NUP188: variants seen among roughly 807,000 people sequenced by gnomAD.
NUP188 encodes nucleoporin NUP188.
Under a neutral mutation model 223.0 loss-of-function variants are expected in NUP188, and 97 were observed. The ratio of observed to expected loss-of-function variants is 0.43; its 90% CI spans 0.37 to 0.51. The LOEUF is 0.51. Among genes scored for constraint, NUP188 ranks in the 20% least tolerant of loss-of-function variants. NUP188 has a pLI of 0.00. For missense variants in NUP188, 1,947 were observed against 2,175.6 expected, an observed-to-expected ratio of 0.89 and a Z score of 2.09; for synonymous variants, 869 against 828.0, an observed-to-expected ratio of 1.05 and a Z score of -0.85.
At chr9:128,987,088 A>AGAGTGTGTGTGT (rs1450678206) in intron 22 of NUP188, among the ~76,000 whole-genome samples, 663 of 113,288 alleles carry the variant, frequency 5.9e-3, no homozygotes, top group Non-Finnish European at 8.8e-3. Flanking sequence ...AGAGAGAGAG[A>AGAGTGTGTGTGT]GTGTGTGTGT....
At chr9:128,957,934 G>A in intron 5 of NUP188, 76 bp from the exon 6 acceptor site, 1 of 1,042,276 alleles carries the variant, frequency 9.6e-7, no homozygotes, top group Middle Eastern at 2.2e-4. Context: ...AGGATGAAGT[G>A]AAGGTATCTA....
Position 128,983,466 on chromosome 9 carries a change from C to A in NUP188, c.1885-8C>A, listed in dbSNP as rs756106038. The A allele has an allele frequency of 6.2e-7, 1 of 1,613,920 alleles. No individual in the cohort carries two copies. The highest frequency in any genetic ancestry group is 1.1e-5 in the South Asian group (1 of 91,080). On this transcript the variant is annotated splice_region_variant and splice_polypyrimidine_tract_variant and intron_variant, in intron 18 of 43. Coordinates refer to ENST00000372577, the MANE Select transcript of NUP188 (RefSeq NM_015354.3). ...TGTGGGCATTTAACTCTTCCTTTTC[C>A]TTCTCAGGTCTGGACTGATCTTCGT...
intron 10 of NUP188, 25 bp downstream of exon 10, chr9:128,969,539 T>C: frequency 7.5e-7 from 1 of 1,334,094 alleles, no homozygotes; most frequent in South Asian, 1.4e-5. Flanking sequence ...CCTCTTTTTT[T>C]TCAGAGGGTT....
chr9:128,987,013 G>T, intron 22 of NUP188, 138 bp downstream of exon 22: 1 of 609,496 alleles, frequency 1.6e-6, no homozygotes, highest in Non-Finnish European at 2.9e-6. Context: ...GTTGTTAGTT[G>T]CTTTCCATTG....
intron 25 of NUP188, 37 bp from the exon 26 acceptor site, chr9:128,993,160 G>A: frequency 1.3e-6 from 2 of 1,568,878 alleles, no homozygotes; most frequent in Non-Finnish European, 1.8e-6. Flanking sequence ...TTTTGTGGAA[G>A]CAGAGCTCTA....
rs567512988 is a variant in NUP188 at position 128,988,141 on chromosome 9, CCTT to C, written c.2491_2493del (p.Ser831del). 1 of 1,614,190 alleles carries C rather than the reference CCTT, an allele frequency of 6.2e-7. No individual in the cohort carries two copies. Among genetic ancestry groups the C allele is most frequent in the Non-Finnish European group, 8.5e-7 (1 of 1,180,028 alleles). On this transcript the variant is annotated inframe_deletion, in exon 24 of 44. Coordinates refer to ENST00000372577, the MANE Select transcript of NUP188 (RefSeq NM_015354.3). ...CAACAATGTTATTCGGCTGAAACCT[CCTT>C]CTAATGTGGTGTCCCCCCTGGAACA...
intron 20 of NUP188, 123 bp from the exon 21 acceptor site, chr9:128,986,435 T>C (rs1158051628): frequency 2.2e-5 from 23 of 1,022,770 alleles, no homozygotes; most frequent in Non-Finnish European, 2.7e-5. Context: ...TTTTTTTTCA[T>C]TGATGACCAA....
chr9:128,984,196 G>A (rs952356117), intron 19 of NUP188, among the ~76,000 whole-genome samples: 24 of 139,108 alleles, frequency 1.7e-4, no homozygotes. Flanking sequence ...GCGTGATCTT[G>A]GCTCACCACA....
rs935886353 is a variant in NUP188, at chr9:129,003,549, A to G, written c.4434+95A>G. On this transcript the variant is annotated intron_variant, in intron 38 of 43. Transcript: ENST00000372577. ...TGGGGCACTCCTAGTGAATTGCAGG[A>G]TGTTCCTGAACGGGGGCTTTTCCCT... 3.5e-6 allele frequency: 5 copies of G among 1,417,740 alleles called. No homozygotes were observed. The African/African-American group carries it at 7.0e-5, about 20-fold the overall frequency. 87.8% of individuals were successfully genotyped at this position (1,417,740 alleles called of 1,614,324 possible). A position where few individuals can be genotyped will look rare whatever the true frequency, so the allele number is the denominator to read the frequency against.
At chr9:129,006,199 G>C in intron 42 of NUP188, 40 bp from the exon 43 acceptor site, 1 of 1,614,082 alleles carries the variant, frequency 6.2e-7, no homozygotes, top group Non-Finnish European at 8.5e-7. Context: ...GGCCAGCCTG[G>C]CCCTCTGCAG....
chr9:128,952,413 A>G (rs576000552), intron 2 of NUP188, among the ~76,000 whole-genome samples: 192 of 151,150 alleles, frequency 1.3e-3, no homozygotes, highest in African/African-American at 4.2e-3. Flanking sequence ...AAAAAAAAAA[A>G]AAAGAAAGCA....
chr9:128,952,832 C>T lies in NUP188; in HGVS notation c.147C>T (p.Tyr49=), dbSNP rs746807663. 2.6e-5 allele frequency: 42 copies of T among 1,613,228 alleles called. No individual in the cohort carries two copies. The highest frequency in any genetic ancestry group is 2.0e-4 in the Admixed American group (12 of 59,966). The change falls in exon 3 of 44, where the codon TAC becomes TAT. Residue 49 remains tyrosine, a synonymous_variant. Transcript: ENST00000372577. ...HWRRLLEGLS[Y]YKPPSPSSAE... ...GGCGATTGTTAGAGGGGCTTTCTTA[C>T]TACAAACCTCCCAGGTATGGCAGTT...
At chr9:128,975,226 C>CTTTTTTTTTTTTTTT (rs540828761) in intron 12 of NUP188, among the ~76,000 whole-genome samples, 7 of 131,870 alleles carry the variant, frequency 5.3e-5, no homozygotes, top group African/African-American at 2.1e-4. Flanking sequence ...TTTTCTTTTC[C>CTTTTTTTTTTTTTTT]TTTTTTTTTT....
chr9:128,952,056 G>A (rs1841796518), intron 2 of NUP188, among the ~76,000 whole-genome samples: 1 of 152,130 alleles, frequency 6.6e-6, no homozygotes, highest in Non-Finnish European at 1.5e-5. Context: ...GCCTCCCAAA[G>A]TGCTAGGATT....
At chr9:128,972,467 G>C (rs1842117033) in intron 11 of NUP188, among the ~76,000 whole-genome samples, 2 of 139,598 alleles carry the variant, frequency 1.4e-5, no homozygotes, top group African/African-American at 3.3e-5. Flanking sequence ...GTAGAACACA[G>C]AGGATTTCAC....
chr9:128,967,108 A>G (rs1007793873), intron 8 of NUP188, among the ~76,000 whole-genome samples: 2 of 152,100 alleles, frequency 1.3e-5, no homozygotes, highest in African/African-American at 4.8e-5. Context: ...CCCCAGCTCA[A>G]GTGACTCTCC....
chr9:128,974,771 CTCTT>C (rs1842150418), intron 12 of NUP188, among the ~76,000 whole-genome samples: 1 of 149,040 alleles, frequency 6.7e-6, no homozygotes, highest in South Asian at 2.1e-4. Context: ...AAAACATTGT[CTCTT>C]TTTTTTTTTT....
chr9:128,992,960 GTATT>G, intron 25 of NUP188: 1 of 524,854 alleles, frequency 1.9e-6, no homozygotes, highest in South Asian at 2.3e-5. Flanking sequence ...TTTTCAGTTT[GTATT>G]TATTTAACCA....
In NUP188 at chr9:128,956,968, A is replaced by G. The variant is rs761029784; in HGVS notation, c.263A>G (p.Gln88Arg). 3.1e-6 allele frequency: 5 copies of G among 1,612,250 alleles called. No homozygotes were observed. In the East Asian group the frequency reaches 1.1e-4, roughly 36 times the overall value. The change falls in exon 5 of 44, where the codon CAG becomes CGG. Residue 88 changes from glutamine to arginine, a missense_variant. Physicochemically the swap from Gln to Arg is conservative, Grantham distance 43. Coordinates refer to ENST00000372577, the MANE Select transcript of NUP188 (RefSeq NM_015354.3). ...ISKFLGLDEEQSVQLLQCYLQ... is the reference protein window; with the variant it reads ...ISKFLGLDEERSVQLLQCYLQ... ...GTGTTTCAGGGTCTTGATGAAGAAC[A>G]GAGTGTGCAGTTACTCCAGTGTTAC...
Sources: allele counts gnomAD v4.1 joint callset (sites outside exome capture counted in the v4.1 genomes callset), GRCh38; gene constraint gnomAD v4.1.1; transcripts MANE v1.5; gene names NCBI Gene and HGNC (gene_info 2026-07-23, HGNC 2026-07-21).